The following SYTL3 variants were observed in gnomAD, a reference collection of about 807,000 sequenced individuals.
The protein encoded by SYTL3 is synaptotagmin like 3.
Under a neutral mutation model 82.1 loss-of-function variants are expected in SYTL3, and 88 were observed. The ratio of observed to expected loss-of-function variants is 1.07; its 90% CI spans 0.90 to 1.28. The LOEUF is 1.28. SYTL3 is among the 50% of genes most tolerant of loss of function. The pLI, the probability that SYTL3 is intolerant of heterozygous loss-of-function variation, is 0.00. For missense variants in SYTL3, 831 were observed against 757.6 expected (o/e 1.10, Z -1.14); for synonymous variants, 311 against 289.4 (o/e 1.07, Z -0.76).
At chr6:158,682,833 AT>A (rs1778864914) in intron 5 of SYTL3, 91 bp from the exon 6 acceptor site, 1 of 916,744 alleles carries the variant, frequency 1.1e-6, no homozygotes, top group Admixed American at 2.3e-5. Context: ...CAAGACTAAT[AT>A]TTTGTGACCT....
intron 9 of SYTL3, among the ~76,000 whole-genome samples, chr6:158,714,277 A>G (rs1783096861): frequency 1.3e-5 from 2 of 152,098 alleles, no homozygotes; most frequent in Admixed American, 1.3e-4. Flanking sequence ...ACTTGAACCC[A>G]GGAGGCGGAG....
chr6:158,683,135 A>C, intron 6 of SYTL3, 146 bp downstream of exon 6: 1 of 592,304 alleles, frequency 1.7e-6, no homozygotes, highest in Non-Finnish European at 3.1e-6. Context: ...TGATGCTCTC[A>C]CTGTAATTCA....
chr6:158,681,891 C>T (rs890071285), intron 5 of SYTL3, among the ~76,000 whole-genome samples: 2 of 152,206 alleles, frequency 1.3e-5, no homozygotes, highest in Non-Finnish European at 2.9e-5. Context: ...TTTCCTGTAG[C>T]CCATCACTTG....
At chr6:158,760,191 G>A (rs1436821978) in intron 14 of SYTL3, among the ~76,000 whole-genome samples, 1 of 152,090 alleles carries the variant, frequency 6.6e-6, no homozygotes, top group Admixed American at 6.6e-5. Context: ...CTGTGGCTCT[G>A]GACAGAGACT....
intron 15 of SYTL3, 40 bp downstream of exon 15, chr6:158,760,785 T>G (rs779361186): frequency 6.6e-7 from 1 of 1,516,358 alleles, no homozygotes; most frequent in East Asian, 2.3e-5. Context: ...TCTGTGTCAT[T>G]GTCTGCAGAG....
At chr6:158,725,977 G>C (rs998394320) in intron 11 of SYTL3, 1 of 669,040 alleles carries the variant, frequency 1.5e-6, no homozygotes, top group Admixed American at 1.9e-5. Context: ...CTTCCAAGTG[G>C]TTGGAGCTGC....
intron 12 of SYTL3, among the ~76,000 whole-genome samples, chr6:158,750,083 C>T (rs1788204727): frequency 6.6e-6 from 1 of 152,036 alleles, no homozygotes; most frequent in African/African-American, 2.4e-5. Flanking sequence ...GAATGAGCGG[C>T]AGTTACAGCA....
At chr6:158,658,770 CA>C (rs35484799) in intron 2 of SYTL3, among the ~76,000 whole-genome samples, 101,858 of 151,486 alleles carry the variant, frequency 0.67, 34,833 homozygotes, top group African/African-American at 0.8. Flanking sequence ...ACTAAAAATA[CA>C]AAAAAAAATT....
chr6:158,741,663 G>T (rs1053802294), intron 11 of SYTL3, among the ~76,000 whole-genome samples: 2 of 152,150 alleles, frequency 1.3e-5, no homozygotes, highest in Admixed American at 6.5e-5. Flanking sequence ...GGTCATTGCT[G>T]GTTGTCATAT....
rs572556697 is a variant in SYTL3 at position 158,764,795 on chromosome 6, C to G, written c.*191C>G. ...ATTTACGTTAAACACAATTATGTTA[C>G]CTAAGCCTCTGGTGGGTTATCTCCT... is the stretch of plus-strand genomic sequence containing the variant. On this transcript the variant is annotated 3_prime_UTR_variant, in exon 18 of 18. Transcript: ENST00000611299. The G allele has an allele frequency of 2.0e-6, 1 of 492,010 alleles. No homozygotes were observed. Among genetic ancestry groups the G allele is most frequent in the African/African-American group, 2.0e-5 (1 of 51,240 alleles). The allele number at this position is 492,010 out of a possible 1,614,324, so 30.5% of individuals were successfully genotyped here.
At chr6:158,708,207 T>A in intron 7 of SYTL3, 115 bp from the exon 8 acceptor site, 1 of 982,986 alleles carries the variant, frequency 1.0e-6, no homozygotes, top group Non-Finnish European at 1.6e-6. Flanking sequence ...TGAGGCAGTT[T>A]AAAAAAAAGG....
intron 11 of SYTL3, among the ~76,000 whole-genome samples, chr6:158,737,561 A>C (rs1786346022): frequency 6.6e-6 from 1 of 152,066 alleles, no homozygotes; most frequent in African/African-American, 2.4e-5. Context: ...ACCCAGATTG[A>C]CTTTCTTTCA....
At position 158,762,139 on chromosome 6, in the gene SYTL3, C is replaced by T; in HGVS notation, c.1478C>T (p.Pro493Leu). 2.5e-6 allele frequency: 4 copies of T among 1,613,924 alleles called. No individual in the cohort carries two copies. Among genetic ancestry groups the T allele is most frequent in the South Asian group, 1.1e-5 (1 of 91,066 alleles). Residue 493 changes from proline (P) to leucine (L), a missense_variant, in exon 16 of 18, where the codon CCT (proline) becomes CTT (leucine). Transcript: ENST00000611299. ...CLVVLGAKNL[P>L]VRPDGTLNSF... ...GTAGTGCTAGGAGCCAAGAATTTAC[C>T]TGTGCGGCCAGATGGCACCTTGAAC...
intron 6 of SYTL3, among the ~76,000 whole-genome samples, chr6:158,706,582 G>GC (rs919281167): frequency 6.6e-6 from 1 of 152,166 alleles, no homozygotes; most frequent in African/African-American, 2.4e-5. Context: ...TTCCTTCCCA[G>GC]CCCCCTGCTG....
intron 9 of SYTL3, 112 bp from the exon 10 acceptor site, chr6:158,717,975 T>C (rs1020255106): frequency 8.2e-6 from 9 of 1,099,442 alleles, no homozygotes; most frequent in Non-Finnish European, 8.6e-6. Flanking sequence ...CTTTGCCCTC[T>C]TAAGACCTTG....
In SYTL3 at chr6:158,745,418, C is replaced by T. The variant is rs1283867885; in HGVS notation, c.856-62C>T. ...TTTTATTTATGTGCTGTCTTGAAAC[C>T]AGAACATCAAAAAAGTGAATTAACT... On this transcript the variant is annotated intron_variant, in intron 11 of 17. Transcript: ENST00000611299. 3.5e-6 allele frequency: 5 copies of T among 1,432,634 alleles called. No individual in the cohort carries two copies. The East Asian group carries it at 9.6e-5, about 27-fold the overall frequency. The allele number at this position is 1,432,634 out of a possible 1,614,324, so 88.7% of individuals were successfully genotyped here.
At chr6:158,717,516 C>G (rs1042024115) in intron 9 of SYTL3, among the ~76,000 whole-genome samples, 2 of 152,020 alleles carry the variant, frequency 1.3e-5, no homozygotes, top group Non-Finnish European at 2.9e-5. Flanking sequence ...TATGTGGCTT[C>G]CTTCCTTCAA....
intron 7 of SYTL3, 88 bp from the exon 8 acceptor site, chr6:158,708,234 T>G: frequency 8.4e-7 from 1 of 1,195,660 alleles, no homozygotes; most frequent in Admixed American, 1.7e-5. Flanking sequence ...ACTAGAATTA[T>G]AGAATAATGG....
chr6:158,693,742 C>T (rs530517161), intron 6 of SYTL3, among the ~76,000 whole-genome samples: 9 of 127,888 alleles, frequency 7.0e-5, no homozygotes, highest in East Asian at 3.9e-4. Context: ...AGGGTTTTGC[C>T]GTGTTGCCCA....
Sources: allele counts gnomAD v4.1 joint callset (sites outside exome capture counted in the v4.1 genomes callset), GRCh38; gene constraint gnomAD v4.1.1; transcripts MANE v1.5; gene names NCBI Gene and HGNC (gene_info 2026-07-23, HGNC 2026-07-21).